Variants in SPMIP2 observed in about 807,000 individuals in gnomAD.
SPMIP2 encodes the protein sperm microtubule inner protein 2, also known as protein SPMIP2.
chr4:158,999,543 G>A, the SPMIP2 span, among the ~76,000 whole-genome samples: 1 of 152,246 alleles, frequency 6.6e-6, no homozygotes, highest in Admixed American at 6.5e-5. Flanking sequence ...GGATTATTGA[G>A]AAATATTTAA....
the SPMIP2 span, among the ~76,000 whole-genome samples, chr4:158,943,470 G>T: frequency 6.6e-6 from 1 of 152,050 alleles, no homozygotes; most frequent in Non-Finnish European, 1.5e-5. Flanking sequence ...ACTCTCATCA[G>T]TTCTCTATAG....
chr4:158,916,380 G>T, the SPMIP2 span, among the ~76,000 whole-genome samples: 1 of 152,186 alleles, frequency 6.6e-6, no homozygotes, highest in Non-Finnish European at 1.5e-5. Context: ...TTTGAGCAGA[G>T]ATCTCAGTGA....
At chr4:159,034,903 C>T in the SPMIP2 span, 1 of 713,596 alleles carries the variant, frequency 1.4e-6, no homozygotes, top group Non-Finnish European at 2.3e-6. Context: ...AAAAAAAAAC[C>T]CAAAAAACAA....
At chr4:158,950,481 T>C in the SPMIP2 span, among the ~76,000 whole-genome samples, 1 of 152,172 alleles carries the variant, frequency 6.6e-6, no homozygotes, top group Non-Finnish European at 1.5e-5. Flanking sequence ...TTGTATCAAG[T>C]GCCCATTTAT....
chr4:158,991,679 T>G, the SPMIP2 span, among the ~76,000 whole-genome samples: 8 of 152,214 alleles, frequency 5.3e-5, no homozygotes, highest in African/African-American at 1.9e-4. Flanking sequence ...AGAACTACTT[T>G]GATAAAGCAT....
chr4:158,965,716 GC>G, the SPMIP2 span, among the ~76,000 whole-genome samples: 1 of 102,318 alleles, frequency 9.8e-6, no homozygotes, highest in Non-Finnish European at 2.4e-5. Flanking sequence ...TATTGAATAA[GC>G]TGGGAGTGGA....
the SPMIP2 span, among the ~76,000 whole-genome samples, chr4:159,020,913 C>T: frequency 6.6e-6 from 1 of 152,124 alleles, no homozygotes; most frequent in Non-Finnish European, 1.5e-5. Context: ...AGGCGCCCAC[C>T]ACCACGCCCG....
the SPMIP2 span, among the ~76,000 whole-genome samples, chr4:159,004,648 G>A: frequency 4.6e-5 from 7 of 151,032 alleles, no homozygotes; most frequent in Admixed American, 2.0e-4. Context: ...TCCTAGCCTG[G>A]GTAGACTTTA....
At chr4:158,922,218 T>C in the SPMIP2 span, among the ~76,000 whole-genome samples, 1 of 152,138 alleles carries the variant, frequency 6.6e-6, no homozygotes, top group Non-Finnish European at 1.5e-5. Flanking sequence ...TCTGCCTCCT[T>C]GTCTATAACC....
the SPMIP2 span, chr4:158,973,020 A>G: frequency 1.8e-6 from 2 of 1,117,244 alleles, no homozygotes; most frequent in Non-Finnish European, 1.3e-6. Context: ...AAGCAAATTC[A>G]TAAAGAATTC....
At chr4:159,068,685 A>T in the SPMIP2 span, among the ~76,000 whole-genome samples, 13 of 151,362 alleles carry the variant, frequency 8.6e-5, no homozygotes, top group East Asian at 5.8e-4. Context: ...ATAAATAAAT[A>T]AAAAATAAAA....
chr4:158,928,756 G>A, the SPMIP2 span, among the ~76,000 whole-genome samples: 1 of 152,114 alleles, frequency 6.6e-6, no homozygotes, highest in Non-Finnish European at 1.5e-5. Flanking sequence ...CTGCTTTTAT[G>A]AGCTGTAACA....
At chr4:159,018,567 C>T in the SPMIP2 span, among the ~76,000 whole-genome samples, 1 of 152,170 alleles carries the variant, frequency 6.6e-6, no homozygotes, top group East Asian at 1.9e-4. Flanking sequence ...CAGCTTATCA[C>T]TGAACAAGGC....
At chr4:158,905,598 G>T in the SPMIP2 span, 1 of 150,918 alleles carries the variant, frequency 6.6e-6, no homozygotes. Context: ...TATCATTTCT[G>T]TGCCTTCTAA....
the SPMIP2 span, among the ~76,000 whole-genome samples, chr4:158,957,588 G>A: frequency 2.0e-5 from 3 of 152,092 alleles, no homozygotes. Context: ...TACTACGCCT[G>A]GCTAGTTTTT....
At chr4:159,059,216 T>C in the SPMIP2 span, among the ~76,000 whole-genome samples, 1 of 146,388 alleles carries the variant, frequency 6.8e-6, no homozygotes, top group East Asian at 2.0e-4. Flanking sequence ...TGGGACTCTA[T>C]ACGAGGCTGG....
chr4:158,971,280 C>T, the SPMIP2 span, among the ~76,000 whole-genome samples: 4 of 152,220 alleles, frequency 2.6e-5, no homozygotes, highest in Admixed American at 6.5e-5. Flanking sequence ...TCAACCCAGC[C>T]GCCTTGCTTT....
chr4:158,937,478 GCTTA>G, the SPMIP2 span: 1 of 154,376 alleles, frequency 6.5e-6, no homozygotes, highest in Non-Finnish European at 1.5e-5. Context: ...CATGGGTCAT[GCTTA>G]CTTGTTTTAT....
the SPMIP2 span, among the ~76,000 whole-genome samples, chr4:158,995,381 C>T: frequency 6.6e-6 from 1 of 152,156 alleles, no homozygotes; most frequent in African/African-American, 2.4e-5. Flanking sequence ...AATTGGAATT[C>T]AGTCACAAAG....
Sources: gnomAD v4.1 joint callset for allele counts (sites outside exome capture counted in the v4.1 genomes callset) on GRCh38, gnomAD v4.1.1 for gene constraint, MANE v1.5 for transcripts, NCBI Gene and HGNC (gene_info 2026-07-23, HGNC 2026-07-21) for gene names.